Variants in GRIK3 observed in about 807,000 individuals in gnomAD.
GRIK3 encodes the protein glutamate receptor ionotropic, kainate 3.
A neutral mutation model predicts 102.5 loss-of-function variants in GRIK3; 29 were observed. The ratio of observed to expected loss-of-function variants is 0.28; its 90% CI spans 0.21 to 0.39. The LOEUF is 0.39. Among genes scored for constraint, GRIK3 ranks in the 10% least tolerant of loss-of-function variants. The pLI is 1.00. For missense variants in GRIK3, 908 were observed against 1,252.4 expected, an observed-to-expected ratio of 0.73 and a Z score of 4.15; for synonymous variants, 511 against 504.9, an observed-to-expected ratio of 1.01 and a Z score of -0.16.
rs759455096 is a variant in GRIK3, at chr1:36,853,632, C to G, written c.1195G>C (p.Glu399Gln). The part of the protein sequence containing the change: ...DFDLDIISLK[E>Q]DGLEKVGVWS... ...CCACGCACCTTCTCCAGGCCATCCT[C>G]TTTCAGGCTGATGATGTCCAGATCA... The change falls in exon 8 of 16, where the codon GAG (glutamate) becomes CAG (glutamine). Residue 399 changes from glutamate to glutamine, a missense_variant. Physicochemically the swap from Glu to Gln is conservative, Grantham distance 29 (BLOSUM62 2). Coordinates refer to ENST00000373091, the MANE Select transcript of GRIK3 (RefSeq NM_000831.4). 5 of 1,612,622 alleles carry G rather than the reference C, an allele frequency of 3.1e-6. No individual in the cohort carries two copies. The highest frequency in any genetic ancestry group is 4.2e-6 in the Non-Finnish European group (5 of 1,178,672).
At position 36,802,023 on chromosome 1, in the gene GRIK3, G is replaced by A. The variant is rs1642446756; in HGVS notation, c.2588C>T (p.Ala863Val). 5.6e-6 allele frequency: 9 copies of A among 1,612,562 alleles called. No individual in the cohort carries two copies. Among genetic ancestry groups the A allele is most frequent in the East Asian group, 2.2e-5 (1 of 44,866 alleles). The change falls in exon 16 of 16, where the codon GCC (alanine) becomes GTC (valine). Residue 863 changes from alanine to valine, a missense_variant. Physicochemically the swap from Ala to Val is moderately conservative, Grantham distance 64 (BLOSUM62 0). Coordinates refer to ENST00000373091, the MANE Select transcript of GRIK3 (RefSeq NM_000831.4). Reference protein sequence around the residue: ...REQRSFCSTVADEIRFSLTCQ... With the variant: ...REQRSFCSTVVDEIRFSLTCQ... ...GGTAAGGGAGAAACGGATCTCATCG[G>A]CCACGGTGCTGCAGAAGGAACGCTG...
chr1:36,972,969 T>C (rs35317705), intron 1 of GRIK3, among the ~76,000 whole-genome samples: 61,418 of 152,052 alleles, frequency 0.4, 16,192 homozygotes, highest in African/African-American at 0.76. Context: ...GAGCTTGTAC[T>C]AGGTGCCCAC....
chr1:36,872,126 G>A lies in GRIK3; in HGVS notation c.732+62C>T, dbSNP rs1289169589. 4 of 1,423,218 alleles carry A rather than the reference G, an allele frequency of 2.8e-6. No homozygotes were observed. The highest frequency in any genetic ancestry group is 3.8e-6 in the Non-Finnish European group (4 of 1,048,800). 88.2% of individuals were successfully genotyped at this position (1,423,218 alleles called of 1,614,324 possible). A position where few individuals can be genotyped will look rare whatever the true frequency, so the allele number is the denominator to read the frequency against. ...AGCATCACACCCACATTTGGGAAGG[G>A]GACGTGGGAGAAGTGGCCAGCAGAC... On this transcript the variant is annotated intron_variant, in intron 4 of 15. Coordinates refer to ENST00000373091, the MANE Select transcript of GRIK3 (RefSeq NM_000831.4). This position sits in a 1 kb window ranked among gnomAD's most constrained non-coding sequence, Gnocchi z 5.9.
rs764858229 is a variant in GRIK3, at chr1:36,850,354, G to C, written c.1283C>G (p.Thr428Ser). The C allele has an allele frequency of 2.6e-5, 42 of 1,613,448 alleles. No individual in the cohort carries two copies. Among genetic ancestry groups the C allele is most frequent in the Non-Finnish European group, 8.5e-7 (1 of 1,179,462 alleles). The change falls in exon 9 of 16, where the codon ACC becomes AGC. Residue 428 changes from threonine to serine, a missense_variant. Around this residue, in one of 3 missense-constraint regions of GRIK3, gnomAD observed 585 missense variants for 824.9 expected, o/e 0.71. Transcript: ENST00000373091. This position sits in a 1 kb window ranked among gnomAD's most constrained non-coding sequence, Gnocchi z 4.0. ...GAGTGATCTGTTTGTCAGAGAGTCG[G>C]TGACATTAGGGCCTCGGCCTTTGGC... The part of the protein sequence containing the change: ...EVAKGRGPNV[T>S]DSLTNRSLIV...
chr1:36,815,151 T>A (rs1209821590), intron 13 of GRIK3, among the ~76,000 whole-genome samples: 1 of 152,256 alleles, frequency 6.6e-6, no homozygotes, highest in African/African-American at 2.4e-5. Context: ...CCTTTGATAA[T>A]GCCGTTGTCT....
At chr1:36,956,040 G>A (rs1441984558) in intron 1 of GRIK3, among the ~76,000 whole-genome samples, 1 of 152,268 alleles carries the variant, frequency 6.6e-6, no homozygotes, top group Non-Finnish European at 1.5e-5. Context: ...AACAGCCAGA[G>A]CGGGGCCTGT....
chr1:36,969,379 G>T (rs1642117672), intron 1 of GRIK3, among the ~76,000 whole-genome samples: 3 of 152,244 alleles, frequency 2.0e-5, no homozygotes, highest in Admixed American at 2.0e-4. Flanking sequence ...AGCAGAGTTA[G>T]ATTTGGGTTT....
At chr1:36,867,138 G>A (rs1640793899) in intron 5 of GRIK3, among the ~76,000 whole-genome samples, 1 of 152,182 alleles carries the variant, frequency 6.6e-6, no homozygotes, top group Admixed American at 6.5e-5. Context: ...AAGAAAAATG[G>A]ACACTGGCCG....
At chr1:36,829,011 C>T (rs892144616) in intron 10 of GRIK3, among the ~76,000 whole-genome samples, 13 of 152,168 alleles carry the variant, frequency 8.5e-5, no homozygotes, top group South Asian at 2.1e-4. Context: ...CCAAGGCATC[C>T]GCAGCATTCT....
chr1:36,841,308 A>G (rs760875552), intron 10 of GRIK3, among the ~76,000 whole-genome samples: 3 of 152,160 alleles, frequency 2.0e-5, no homozygotes, highest in African/African-American at 4.8e-5. Flanking sequence ...GAGTTACTCA[A>G]TGCAGTGACG....
In GRIK3 at chr1:36,825,811, C is replaced by G; in HGVS notation, c.1546G>C (p.Val516Leu). 6.2e-7 allele frequency: 1 copy of G among 1,609,400 alleles called. No homozygotes were observed. The highest frequency in any genetic ancestry group is 1.7e-5 in the Admixed American group (1 of 59,532). ...ACATGGGTGATGGTCAGGGGGGCCACGGCCAGATCTGCCTTCTGCAACCAG... is the reference window on the plus strand; with the variant it reads ...ACATGGGTGATGGTCAGGGGGGCCAGGGCCAGATCTGCCTTCTGCAACCAG... ...ELIDHKADLA[V>L]APLTITHVRE... Residue 516 changes from valine to leucine, a missense_variant, in exon 11 of 16, where the codon GTG becomes CTG. This residue lies in a region of GRIK3 where 585 missense variants were observed against 824.9 expected (regional missense o/e 0.71). Transcript: ENST00000373091.
At chr1:37,023,005 C>G (rs1344547656) in intron 1 of GRIK3, among the ~76,000 whole-genome samples, 1 of 152,138 alleles carries the variant, frequency 6.6e-6, no homozygotes, top group African/African-American at 2.4e-5. Flanking sequence ...TTCATTGAAA[C>G]CTTAGTATGA....
intron 2 of GRIK3, among the ~76,000 whole-genome samples, chr1:36,888,743 T>C (rs1386263924): frequency 6.6e-6 from 1 of 151,732 alleles, no homozygotes; most frequent in Non-Finnish European, 1.5e-5. Context: ...CCTTCTGCCT[T>C]ATCCCACTCC....
intron 2 of GRIK3, among the ~76,000 whole-genome samples, chr1:36,888,990 C>T (rs774283196): frequency 1.3e-5 from 2 of 152,022 alleles, no homozygotes. Context: ...TTTGTGCATC[C>T]GATCAAACTA....
In GRIK3 at chr1:36,799,738, T is replaced by C. The variant is rs1642418954; in HGVS notation, c.*2113A>G. 6.6e-6 allele frequency: 1 copy of C among 152,190 alleles called. No individual in the cohort carries two copies. Among genetic ancestry groups the C allele is most frequent in the Admixed American group, 6.5e-5 (1 of 15,288 alleles). 9.4% of individuals were successfully genotyped at this position (152,190 alleles called of 1,614,324 possible). On this transcript the variant is annotated 3_prime_UTR_variant, in exon 16 of 16. Transcript: ENST00000373091. Reference sequence around the variant, plus strand: ...TATGGGGCCTTGCTGCTTCACATATTTGTCTCCCTCGTCCCCAATTCACTC... The same window carrying C: ...TATGGGGCCTTGCTGCTTCACATATCTGTCTCCCTCGTCCCCAATTCACTC...
intron 1 of GRIK3, among the ~76,000 whole-genome samples, chr1:37,016,494 C>T (rs1012530953): frequency 6.6e-6 from 1 of 152,230 alleles, no homozygotes; most frequent in South Asian, 2.1e-4. Flanking sequence ...AGGTCAGTGG[C>T]TCAATGCCTG....
At chr1:36,889,852 G>T (rs1052242302) in intron 2 of GRIK3, among the ~76,000 whole-genome samples, 11 of 152,138 alleles carry the variant, frequency 7.2e-5, no homozygotes, top group Admixed American at 6.5e-4. Flanking sequence ...TTGTACCCAC[G>T]AGGGCCTCTG....
chr1:36,991,528 C>T lies in GRIK3; in HGVS notation c.115+42466G>A, dbSNP rs369164465. Among the ~76,000 whole-genome samples the T allele has an allele frequency of 1.3e-4, 20 of 152,330 alleles. No individual in the cohort carries two copies. In the East Asian group the frequency reaches 2.3e-3, roughly 18 times the overall value. On this transcript the variant is annotated intron_variant, in intron 1 of 15. Transcript: ENST00000373091. ...GGCTGCTGGATAAGCTTCCTGTCTACAACCTTCATTTTACAGATGAAATCA... is the reference window on the plus strand; with the variant it reads ...GGCTGCTGGATAAGCTTCCTGTCTATAACCTTCATTTTACAGATGAAATCA...
intron 1 of GRIK3, among the ~76,000 whole-genome samples, chr1:37,024,257 C>T (rs564355042): frequency 6.6e-6 from 1 of 152,202 alleles, no homozygotes; most frequent in East Asian, 1.9e-4. Context: ...GAAATAAATG[C>T]CTTTGTGTTT....
Sources: allele counts gnomAD v4.1 joint callset (sites outside exome capture counted in the v4.1 genomes callset), GRCh38; gene constraint gnomAD v4.1.1; regional missense constraint gnomAD v4.1.1; non-coding constraint Gnocchi (gnomAD v3.1); transcripts MANE v1.5; gene names NCBI Gene and HGNC (gene_info 2026-07-23, HGNC 2026-07-21).